PTPRN2: variants seen among roughly 807,000 people sequenced by gnomAD.
PTPRN2 encodes the protein receptor-type tyrosine-protein phosphatase N2.
In PTPRN2, 74 loss-of-function variants were observed where a neutral mutation model predicts 118.8. The observed-to-expected ratio is 0.62, with a 90% CI of 0.52 to 0.76. PTPRN2 has a LOEUF of 0.76. Among genes scored for constraint, PTPRN2 ranks in the 30% least tolerant of loss-of-function variants. The pLI is 0.00. For synonymous variants in PTPRN2, 641 were observed against 608.0 expected, an observed-to-expected ratio of 1.05 and a Z score of -0.80; for missense variants, 1,481 against 1,394.4, an observed-to-expected ratio of 1.06 and a Z score of -0.99.
At chr7:158,134,443 AAAT>A (rs552689740) in intron 8 of PTPRN2, among the ~76,000 whole-genome samples, 36 of 151,980 alleles carry the variant, frequency 2.4e-4, no homozygotes, top group South Asian at 1.5e-3. Context: ...AATGAACACT[AAAT>A]AATAATAATA....
intron 10 of PTPRN2, among the ~76,000 whole-genome samples, chr7:158,104,376 G>T (rs1216878643): frequency 6.6e-6 from 1 of 152,140 alleles, no homozygotes; most frequent in Non-Finnish European, 1.5e-5. Context: ...TAAGAGCAAA[G>T]ATACCGCTGT....
chr7:157,833,376 G>A (rs1027386167), intron 12 of PTPRN2, among the ~76,000 whole-genome samples: 2 of 150,120 alleles, frequency 1.3e-5, no homozygotes, highest in South Asian at 2.1e-4. Context: ...TGGTAAACTC[G>A]TCCAGGAAGT....
At chr7:157,961,462 G>C (rs963254358) in intron 11 of PTPRN2, among the ~76,000 whole-genome samples, 3 of 151,850 alleles carry the variant, frequency 2.0e-5, no homozygotes, top group African/African-American at 7.3e-5. Context: ...GAACCCGGGA[G>C]GTGGAGGTTG....
At chr7:158,538,288 C>T (rs1292950413) in intron 1 of PTPRN2, among the ~76,000 whole-genome samples, 2 of 152,240 alleles carry the variant, frequency 1.3e-5, no homozygotes, top group Non-Finnish European at 2.9e-5. Context: ...TCGAGACCTG[C>T]TCGTCCGGTG....
At position 157,629,976 on chromosome 7, in the gene PTPRN2, C is replaced by G. The variant is rs192881713; in HGVS notation, c.2197-8467G>C. On this transcript the variant is annotated intron_variant, in intron 14 of 22. Transcript: ENST00000389418. This position sits in a 1 kb window ranked among gnomAD's most constrained non-coding sequence, Gnocchi z 4.4. ...CCACTGCCACTTGGGGAAATGATGACCTTTTCTTTCTTTAAAAATAAACAC... is the reference window on the plus strand; with the variant it reads ...CCACTGCCACTTGGGGAAATGATGAGCTTTTCTTTCTTTAAAAATAAACAC... Among the ~76,000 whole-genome samples the G allele has an allele frequency of 6.6e-6, 1 of 152,186 alleles. No individual in the cohort carries two copies. The highest frequency in any genetic ancestry group is 1.5e-5 in the Non-Finnish European group (1 of 68,026).
At chr7:158,262,600 TCACA>T (rs1026238621) in intron 3 of PTPRN2, among the ~76,000 whole-genome samples, 1 of 118,926 alleles carries the variant, frequency 8.4e-6, no homozygotes, top group African/African-American at 3.4e-5. Context: ...TCACACACAT[TCACA>T]CACACTGCAC....
intron 2 of PTPRN2, among the ~76,000 whole-genome samples, chr7:158,364,669 G>A (rs1809292423): frequency 6.6e-6 from 1 of 152,156 alleles, no homozygotes; most frequent in Admixed American, 6.5e-5. Context: ...CCCAGCCCCA[G>A]ATCCCGGGAG....
chr7:158,071,800 TGGTG>T, intron 11 of PTPRN2, among the ~76,000 whole-genome samples: 1 of 111,562 alleles, frequency 9.0e-6, no homozygotes, highest in Non-Finnish European at 1.8e-5. Flanking sequence ...GAGGTGCTCC[TGGTG>T]GAGGTGCTCG....
Position 158,156,659 on chromosome 7 carries a change from G to A in PTPRN2, c.910+10272C>T, listed in dbSNP as rs147633390. ...AAGCAAACCAACTGCTGCATAGAAC[G>A]CCCTGGGGCTTCGAGCCCCCAGTTC... On this transcript the variant is annotated intron_variant, in intron 6 of 22. Transcript: ENST00000389418. Among the ~76,000 whole-genome samples the A allele has an allele frequency of 3.3e-3, 500 of 152,312 alleles. 2 individuals are homozygous for A. The highest frequency in any genetic ancestry group is 0.011 in the African/African-American group (478 of 41,580).
chr7:158,573,307 T>C (rs1020822145), intron 1 of PTPRN2, among the ~76,000 whole-genome samples: 2 of 152,172 alleles, frequency 1.3e-5, no homozygotes, highest in Non-Finnish European at 2.9e-5. Flanking sequence ...ACATCAACTT[T>C]GGGTGCTGAG....
chr7:157,862,334 G>C (rs1810302611), intron 12 of PTPRN2, among the ~76,000 whole-genome samples: 1 of 152,236 alleles, frequency 6.6e-6, no homozygotes, highest in Non-Finnish European at 1.5e-5. Flanking sequence ...TGTGCCCTCT[G>C]TTAGGAAGTT....
At chr7:158,542,402 C>A (rs1826040869) in intron 1 of PTPRN2, among the ~76,000 whole-genome samples, 1 of 152,252 alleles carries the variant, frequency 6.6e-6, no homozygotes, top group African/African-American at 2.4e-5. Flanking sequence ...ATCCGCCCAC[C>A]TCGGCCTCCC....
intron 2 of PTPRN2, among the ~76,000 whole-genome samples, chr7:158,417,764 T>C (rs1168039701): frequency 1.3e-5 from 1 of 75,412 alleles, no homozygotes. Flanking sequence ...GCTCTCTCAG[T>C]GTCCCGCTGT....
chr7:157,679,380 G>C (rs934691068), intron 13 of PTPRN2, among the ~76,000 whole-genome samples: 1 of 152,114 alleles, frequency 6.6e-6, no homozygotes, highest in Non-Finnish European at 1.5e-5. Context: ...ATTAAACTTG[G>C]CTGGATTATC....
At chr7:158,264,071 G>A (rs748790929) in intron 3 of PTPRN2, among the ~76,000 whole-genome samples, 4 of 152,140 alleles carry the variant, frequency 2.6e-5, no homozygotes, top group East Asian at 1.9e-4. Flanking sequence ...AGCGGCAAAC[G>A]GTTATTATTT....
chr7:158,168,508 ATC>A (rs1330094704), intron 5 of PTPRN2, among the ~76,000 whole-genome samples: 1 of 152,208 alleles, frequency 6.6e-6, no homozygotes, highest in Non-Finnish European at 1.5e-5. Context: ...CAATAGCTGA[ATC>A]TCTCTTTCAG....
chr7:157,979,027 T>C (rs1376881944), intron 11 of PTPRN2, among the ~76,000 whole-genome samples: 1 of 151,988 alleles, frequency 6.6e-6, no homozygotes, highest in African/African-American at 2.4e-5. Context: ...GATCCAGAGC[T>C]GCATACACCA....
chr7:158,540,727 C>T (rs1346308264), intron 1 of PTPRN2, among the ~76,000 whole-genome samples: 3 of 152,230 alleles, frequency 2.0e-5, no homozygotes, highest in Non-Finnish European at 4.4e-5. Flanking sequence ...TAACACCTCC[C>T]ACCGCCAAGG....
intron 2 of PTPRN2, among the ~76,000 whole-genome samples, chr7:158,436,806 C>T (rs1816604067): frequency 6.6e-6 from 1 of 152,132 alleles, no homozygotes; most frequent in South Asian, 2.1e-4. Flanking sequence ...TGATTTTTCT[C>T]TGCTTGCTTT....
Sources: gnomAD v4.1 joint callset for allele counts (sites outside exome capture counted in the v4.1 genomes callset) on GRCh38, gnomAD v4.1.1 for gene constraint, Gnocchi (gnomAD v3.1) non-coding constraint, MANE v1.5 for transcripts, NCBI Gene and HGNC (gene_info 2026-07-23, HGNC 2026-07-21) for gene names.